INTS8: variants seen among roughly 807,000 people sequenced by gnomAD.
The protein encoded by INTS8 is protein kaonashi-1.
Under a neutral mutation model 138.9 loss-of-function variants are expected in INTS8, and 47 were observed. The ratio of observed to expected loss-of-function variants is 0.34; its 90% confidence interval spans 0.27 to 0.43. INTS8 has a LOEUF of 0.43. Ranked by LOEUF, INTS8 falls within the 20% of genes least tolerant of loss-of-function variation. The pLI, the probability that INTS8 is intolerant of heterozygous loss-of-function variation, is 1.00. For missense variants in INTS8, 996 were observed against 1,173.0 expected (o/e 0.85, Z 2.20); for synonymous variants, 392 against 400.9 (o/e 0.98, Z 0.27).
At chr8:94,832,604 G>T (rs530145522) in intron 6 of INTS8, among the ~76,000 whole-genome samples, 1 of 151,966 alleles carries the variant, frequency 6.6e-6, no homozygotes, top group Non-Finnish European at 1.5e-5. Context: ...TGGGCCCCTT[G>T]TTCCTTTCAC....
At chr8:94,840,711 A>C (rs956496973) in intron 8 of INTS8, among the ~76,000 whole-genome samples, 2 of 150,688 alleles carry the variant, frequency 1.3e-5, no homozygotes, top group Non-Finnish European at 3.0e-5. Flanking sequence ...GCGCCTGCCA[A>C]CGTGCCTGGC....
intron 10 of INTS8, among the ~76,000 whole-genome samples, chr8:94,848,392 G>GT (rs1395061240): frequency 6.6e-6 from 1 of 152,056 alleles, no homozygotes; most frequent in Non-Finnish European, 1.5e-5. Flanking sequence ...AAGTCAGTGC[G>GT]TTTTAGTGTA....
At chr8:94,868,970 C>T (rs767660614) in intron 20 of INTS8, among the ~76,000 whole-genome samples, 10 of 150,978 alleles carry the variant, frequency 6.6e-5, no homozygotes, top group Non-Finnish European at 1.5e-4. Context: ...CCATGCCCAC[C>T]CAGTTTTGGA....
At chr8:94,831,462 G>GT (rs1387946043) in intron 5 of INTS8, among the ~76,000 whole-genome samples, 4 of 141,296 alleles carry the variant, frequency 2.8e-5, no homozygotes, top group African/African-American at 7.8e-5. Context: ...AGTCTTTCCT[G>GT]TTTTTTGTAT....
In INTS8 at chr8:94,823,541, A is replaced by G; in HGVS notation, c.110A>G (p.His37Arg). 5.1e-6 allele frequency: 8 copies of G among 1,579,624 alleles called. No individual in the cohort carries two copies. The highest frequency in any genetic ancestry group is 6.9e-6 in the Non-Finnish European group (8 of 1,163,554). The change falls in exon 1 of 27, where the codon CAT becomes CGT. Residue 37 changes from histidine to arginine, a missense_variant. Transcript: ENST00000523731. ...FLLEESLLEK[H>R]LRKPCPDPAP... is the part of the protein sequence containing the mutation. ...CTGGAGGAGTCACTGTTGGAGAAAC[A>G]TCTGCGCAAGCCCTGCCCGGGTGAG...
At chr8:94,870,242 G>A (rs1001206937) in intron 20 of INTS8, among the ~76,000 whole-genome samples, 6 of 151,850 alleles carry the variant, frequency 4.0e-5, no homozygotes, top group South Asian at 2.1e-4. Flanking sequence ...TAGTAGAGAC[G>A]GGGTTTCACC....
chr8:94,862,313 A>G (rs1173759321), intron 16 of INTS8, among the ~76,000 whole-genome samples: 1 of 152,182 alleles, frequency 6.6e-6, no homozygotes, highest in Non-Finnish European at 1.5e-5. Context: ...TTGTCTCATT[A>G]TGGACACCAG....
intron 12 of INTS8, among the ~76,000 whole-genome samples, chr8:94,850,964 T>G (rs1294947603): frequency 6.6e-6 from 1 of 152,222 alleles, no homozygotes; most frequent in East Asian, 1.9e-4. Flanking sequence ...ACTTTTAGCT[T>G]CTTTGACCTT....
chr8:94,836,839 C>CT (rs34273729), intron 7 of INTS8, among the ~76,000 whole-genome samples: 1 of 147,106 alleles, frequency 6.8e-6, no homozygotes, highest in Non-Finnish European at 1.5e-5. Context: ...TTTCTTCCAG[C>CT]TTTTTTCTCT....
At chr8:94,865,280 A>G (rs529217105) in intron 16 of INTS8, among the ~76,000 whole-genome samples, 1 of 152,200 alleles carries the variant, frequency 6.6e-6, no homozygotes, top group Non-Finnish European at 1.5e-5. Flanking sequence ...CTGTTCAGAA[A>G]CAAAGTTCGT....
chr8:94,838,897 A>C (rs754172128), intron 8 of INTS8, among the ~76,000 whole-genome samples: 21 of 152,226 alleles, frequency 1.4e-4, no homozygotes, highest in Non-Finnish European at 2.8e-4. Context: ...ATCTTAAATA[A>C]ATTTTGTAAG....
intron 5 of INTS8, among the ~76,000 whole-genome samples, chr8:94,829,477 C>T (rs1374289805): frequency 6.6e-6 from 1 of 152,118 alleles, no homozygotes; most frequent in Non-Finnish European, 1.5e-5. Flanking sequence ...GGAGCTCAGG[C>T]CATAATGCGA....
intron 22 of INTS8, among the ~76,000 whole-genome samples, chr8:94,874,163 TTCTA>T (rs1351698858): frequency 3.3e-5 from 5 of 152,130 alleles, no homozygotes; most frequent in Non-Finnish European, 5.9e-5. Flanking sequence ...GCTAGACTTT[TTCTA>T]TCTAATTGCA....
intron 16 of INTS8, among the ~76,000 whole-genome samples, chr8:94,862,504 T>A (rs2131053911): frequency 6.6e-6 from 1 of 152,310 alleles, no homozygotes; most frequent in South Asian, 2.1e-4. Flanking sequence ...TGTGTTTGTG[T>A]AATGAATGCT....
Position 94,881,739 on chromosome 8 carries a change from C to T in INTS8, c.*1505C>T, listed in dbSNP as rs1816823504. The stretch of plus-strand genomic sequence containing the variant: ...TTTCTGAAGGTGTTTATGTAATTTA[C>T]TTCCTCCTATACATGGGAAGAAATC... On this transcript the variant is annotated 3_prime_UTR_variant, in exon 27 of 27. Transcript: ENST00000523731. 1.2e-6 allele frequency: 2 copies of T among 1,613,712 alleles called. No individual in the cohort carries two copies. Among genetic ancestry groups the T allele is most frequent in the Non-Finnish European group, 1.7e-6 (2 of 1,179,766 alleles).
intron 26 of INTS8, among the ~76,000 whole-genome samples, chr8:94,877,496 T>C (rs1374969358): frequency 6.6e-6 from 1 of 152,112 alleles, no homozygotes; most frequent in Non-Finnish European, 1.5e-5. Context: ...TATTGAAAAA[T>C]TTTCCTAGCT....
rs1225361378 is a variant in INTS8, at chr8:94,881,502, T to TG, written c.*1270dup. On this transcript the variant is annotated 3_prime_UTR_variant, in exon 27 of 27. Coordinates refer to ENST00000523731, the MANE Select transcript of INTS8 (RefSeq NM_017864.4). ...CCAATTGTAAGTTTTAAAATCAGAA[T>TG]GGCAGTGTAACTTGTGAATTGGCTA... 1.3e-6 allele frequency: 1 copy of TG among 779,266 alleles called. No individual in the cohort carries two copies. The highest frequency in any genetic ancestry group is 2.8e-5 in the Admixed American group (1 of 35,642). The allele number at this position is 779,266 out of a possible 1,614,324, so 48.3% of individuals were successfully genotyped here. A position where few individuals can be genotyped will look rare whatever the true frequency, so the allele number is the denominator to read the frequency against.
intron 4 of INTS8, among the ~76,000 whole-genome samples, chr8:94,828,489 G>A (rs1814594468): frequency 6.6e-6 from 1 of 152,176 alleles, no homozygotes; most frequent in African/African-American, 2.4e-5. Flanking sequence ...CTTGTCAAGT[G>A]AAGCAGCAGG....
intron 10 of INTS8, among the ~76,000 whole-genome samples, chr8:94,843,163 C>G (rs1815196895): frequency 1.3e-5 from 2 of 152,164 alleles, no homozygotes; most frequent in South Asian, 2.1e-4. Flanking sequence ...CTATTTTGAA[C>G]TTCATATAAA....
Sources: allele counts gnomAD v4.1 joint callset (sites outside exome capture counted in the v4.1 genomes callset), GRCh38; gene constraint gnomAD v4.1.1; transcripts MANE v1.5; gene names NCBI Gene and HGNC (gene_info 2026-07-23, HGNC 2026-07-21).